The following N4BP2 variants were observed in gnomAD, a reference collection of about 807,000 sequenced individuals.
N4BP2 encodes NEDD4-binding protein 2.
Under a neutral mutation model 152.8 loss-of-function variants are expected in N4BP2, and 91 were observed. The observed-to-expected ratio is 0.60, with a 90% CI of 0.50 to 0.71. The LOEUF (loss-of-function observed/expected upper bound fraction) is 0.71. Ranked by LOEUF, N4BP2 falls within the 30% of genes least tolerant of loss-of-function variation. N4BP2 has a pLI of 0.00. For missense variants in N4BP2, 1,923 were observed against 2,059.1 expected, an observed-to-expected ratio of 0.93 and a Z score of 1.28; for synonymous variants, 646 against 705.3, an observed-to-expected ratio of 0.92 and a Z score of 1.33.
At chr4:40,096,280 G>A (rs982313015) in intron 2 of N4BP2, among the ~76,000 whole-genome samples, 3 of 152,154 alleles carry the variant, frequency 2.0e-5, no homozygotes, top group Admixed American at 6.6e-5. Flanking sequence ...GGGATAAATG[G>A]TGTTGGGGCT....
intron 2 of N4BP2, among the ~76,000 whole-genome samples, chr4:40,078,818 T>TA (rs1713053590): frequency 6.6e-6 from 1 of 151,134 alleles, no homozygotes; most frequent in Admixed American, 6.6e-5. Flanking sequence ...ATAAGCCACC[T>TA]ACACTTGGCC....
At chr4:40,179,015 AC>A in the N4BP2 span, among the ~76,000 whole-genome samples, 1 of 151,902 alleles carries the variant, frequency 6.6e-6, no homozygotes, top group Admixed American at 6.6e-5. Context: ...AAAGCATAAG[AC>A]CATTATAAGG....
chr4:40,155,498 A>G lies in N4BP2; in HGVS notation c.*1261A>G, dbSNP rs925194714. The G allele has an allele frequency of 4.6e-5, 7 of 152,210 alleles. No homozygotes were observed. Among genetic ancestry groups the G allele is most frequent in the African/African-American group, 1.2e-4 (5 of 41,464 alleles). The allele number at this position is 152,210 out of a possible 1,614,324, so 9.4% of individuals were successfully genotyped here. ...TCACTTTTATTTTGAAAAAGAGCCA[A>G]CTTTCTCAAAGGAAGCTGTCATTAA... On this transcript the variant is annotated 3_prime_UTR_variant, in exon 18 of 18. Coordinates refer to ENST00000261435, the MANE Select transcript of N4BP2 (RefSeq NM_018177.6).
the N4BP2 span, among the ~76,000 whole-genome samples, chr4:40,180,580 A>G: frequency 6.6e-6 from 1 of 152,216 alleles, no homozygotes; most frequent in Non-Finnish European, 1.5e-5. Flanking sequence ...CTCATGCACA[A>G]TTCATTCATG....
At chr4:40,068,418 C>T (rs190397876) in intron 1 of N4BP2, among the ~76,000 whole-genome samples, 31 of 152,268 alleles carry the variant, frequency 2.0e-4, no homozygotes, top group African/African-American at 7.2e-4. Context: ...GCTTTCTCCC[C>T]GTTTTCTTCT....
At chr4:40,186,318 G>A in the N4BP2 span, among the ~76,000 whole-genome samples, 2 of 152,072 alleles carry the variant, frequency 1.3e-5, no homozygotes, top group African/African-American at 4.8e-5. Flanking sequence ...CATTGTGACC[G>A]AAGCAGTGAC....
In N4BP2 at chr4:40,120,565, G is replaced by T. The variant is rs747353676; in HGVS notation, c.2454G>T (p.Lys818Asn). 2.5e-6 allele frequency: 4 copies of T among 1,613,972 alleles called. No individual in the cohort carries two copies. The Admixed American group carries it at 6.7e-5, about 27-fold the overall frequency. ...CTTCATCCGTACAAAGCGACAAAAA[G>T]TATAATTACCCTCAGTCACACAAAT... ...EKTSSVQSDKKYNYPQSHKLV... is the reference protein window; with the variant it reads ...EKTSSVQSDKNYNYPQSHKLV... Residue 818 changes from lysine to asparagine, a missense_variant, in exon 9 of 18, where the codon AAG (lysine) becomes AAT (asparagine). Coordinates refer to ENST00000261435, the MANE Select transcript of N4BP2 (RefSeq NM_018177.6).
At chr4:40,119,686 A>T (rs541133911) in intron 8 of N4BP2, among the ~76,000 whole-genome samples, 21 of 151,678 alleles carry the variant, frequency 1.4e-4, no homozygotes, top group Middle Eastern at 3.4e-3. Flanking sequence ...CTATTCAATT[A>T]AAAAAAAAGT....
intron 3 of N4BP2, among the ~76,000 whole-genome samples, chr4:40,101,448 C>G (rs1715644347): frequency 6.6e-6 from 1 of 152,098 alleles, no homozygotes; most frequent in African/African-American, 2.4e-5. Context: ...GCATGAGCAA[C>G]CACGCCAAAA....
At position 40,119,959 on chromosome 4, in the gene N4BP2, T is replaced by A. The variant is rs946081553; in HGVS notation, c.1848T>A (p.Ser616=). 6.7e-7 allele frequency: 1 copy of A among 1,484,956 alleles called. No homozygotes were observed. Among genetic ancestry groups the A allele is most frequent in the African/African-American group, 1.4e-5 (1 of 70,938 alleles). 92.0% of individuals were successfully genotyped at this position (1,484,956 alleles called of 1,614,324 possible). A position where few individuals can be genotyped will look rare whatever the true frequency, so the allele number is the denominator to read the frequency against. ...CAAGAGACGATGAAGATATTATCTC[T>A]GAAAAAGAAGAAAATATTTTATCTT... The part of the protein sequence containing the change: ...TSPRDDEDII[S]EKEENILSLS... The change falls in exon 9 of 18, where the codon TCT becomes TCA. Residue 616 remains serine (S), a synonymous_variant. Transcript: ENST00000261435.
the N4BP2 span, among the ~76,000 whole-genome samples, chr4:40,184,983 A>AAATAAAT: frequency 6.0e-4 from 91 of 151,514 alleles, no homozygotes; most frequent in African/African-American, 2.2e-3. Flanking sequence ...ATAAATAAAT[A>AAATAAAT]AAATAAAAAA....
At chr4:40,148,980 A>G (rs534985048) in intron 16 of N4BP2, among the ~76,000 whole-genome samples, 1 of 152,374 alleles carries the variant, frequency 6.6e-6, no homozygotes, top group East Asian at 1.9e-4. Flanking sequence ...GAAAGTAATC[A>G]GTATTGTTAA....
chr4:40,143,290 G>A (rs910199023), intron 15 of N4BP2, among the ~76,000 whole-genome samples: 1 of 152,060 alleles, frequency 6.6e-6, no homozygotes, highest in Non-Finnish European at 1.5e-5. Context: ...CATTTAACAT[G>A]ATATTATAAG....
chr4:40,067,146 C>T (rs574403916), intron 1 of N4BP2, among the ~76,000 whole-genome samples: 1 of 149,066 alleles, frequency 6.7e-6, no homozygotes, highest in African/African-American at 2.5e-5. Context: ...CAGCCTTGAC[C>T]TCCCCAGACT....
intron 6 of N4BP2, 25 bp downstream of exon 6, chr4:40,112,197 T>TTTGTATGCAAAC (rs762338016): frequency 1.6e-6 from 2 of 1,274,342 alleles, no homozygotes; most frequent in South Asian, 2.7e-5. Flanking sequence ...TTGTCATAAG[T>TTTGTATGCAAAC]TTATAACAGT....
intron 6 of N4BP2, among the ~76,000 whole-genome samples, chr4:40,112,624 C>A (rs1463199189): frequency 2.6e-5 from 4 of 151,748 alleles, no homozygotes; most frequent in Non-Finnish European, 4.4e-5. Flanking sequence ...TGCCAGATTT[C>A]TTTTAATGTT....
intron 3 of N4BP2, among the ~76,000 whole-genome samples, chr4:40,099,867 A>C (rs1715459620): frequency 1.3e-5 from 2 of 152,028 alleles, no homozygotes; most frequent in Non-Finnish European, 1.5e-5. Flanking sequence ...TTTTCATAGA[A>C]ATACTCCTTA....
At chr4:40,105,511 G>GAC (rs1716182436) in intron 4 of N4BP2, among the ~76,000 whole-genome samples, 1 of 150,696 alleles carries the variant, frequency 6.6e-6, no homozygotes, top group Non-Finnish European at 1.5e-5. Flanking sequence ...TTTTAGTAGA[G>GAC]ACAGGGTTTC....
rs1721572968 is a variant in N4BP2 at position 40,156,014 on chromosome 4, T to G, written c.*1777T>G. On this transcript the variant is annotated 3_prime_UTR_variant, in exon 18 of 18. Transcript: ENST00000261435. Reference sequence around the variant, plus strand: ...AACAGTTTAGCACACTTTTGTAATCTCTAGAACAGTTCTATACATTAAAAA... The same window carrying G: ...AACAGTTTAGCACACTTTTGTAATCGCTAGAACAGTTCTATACATTAAAAA... 6.6e-6 allele frequency: 1 copy of G among 152,198 alleles called. No individual in the cohort carries two copies. Among genetic ancestry groups the G allele is most frequent in the Non-Finnish European group, 1.5e-5 (1 of 68,020 alleles). The allele number at this position is 152,198 out of a possible 1,614,324, so 9.4% of individuals were successfully genotyped here.
Sources: gnomAD v4.1 joint callset for allele counts (sites outside exome capture counted in the v4.1 genomes callset) on GRCh38, gnomAD v4.1.1 for gene constraint, MANE v1.5 for transcripts, NCBI Gene and HGNC (gene_info 2026-07-23, HGNC 2026-07-21) for gene names.